Variants in ASPHD2 observed in about 807,000 individuals in gnomAD.
ASPHD2 encodes aspartate beta-hydroxylase domain containing 2, also known as aspartate beta-hydroxylase domain-containing protein 2.
A neutral mutation model predicts 34.6 loss-of-function variants in ASPHD2; 12 were observed. The observed-to-expected ratio is 0.35, with a 90% confidence interval of 0.22 to 0.56. The LOEUF is 0.56. ASPHD2 is among the 20% of genes least tolerant of loss of function. The pLI is 0.87. For missense variants in ASPHD2, 375 were observed against 505.0 expected (o/e 0.74, Z 2.47); for synonymous variants, 224 against 212.2 (o/e 1.06, Z -0.48).
Position 26,429,431 on chromosome 22 carries a change from C to G in ASPHD2, c.-280C>G, listed in dbSNP as rs2146124542. 1 of 148,416 alleles carries G rather than the reference C, an allele frequency of 6.7e-6. No individual in the cohort carries two copies. Among genetic ancestry groups the G allele is most frequent in the East Asian group, 2.0e-4 (1 of 5,114 alleles). 9.2% of individuals were successfully genotyped at this position (148,416 alleles called of 1,614,324 possible). On this transcript the variant is annotated 5_prime_UTR_variant, in exon 1 of 4. Coordinates refer to ENST00000215906, the MANE Select transcript of ASPHD2 (RefSeq NM_020437.5). The surrounding 1 kb of genome is among the most constrained non-coding windows in gnomAD (Gnocchi z 4.5). The stretch of plus-strand genomic sequence containing the variant: ...GGCAGGGGCCGTCCGCGGGTCCGCG[C>G]CCTCGGGCGGCGGCGTCTCCTGGGT...
intron 2 of ASPHD2, among the ~76,000 whole-genome samples, chr22:26,437,376 AG>A (rs1449446863): frequency 1.3e-5 from 2 of 152,206 alleles, no homozygotes; most frequent in Non-Finnish European, 2.9e-5. Context: ...TCACTAACAC[AG>A]CCCATTTGTT....
At chr22:26,442,995 C>T in intron 3 of ASPHD2, 102 bp from the exon 4 acceptor site, 1 of 822,696 alleles carries the variant, frequency 1.2e-6, no homozygotes. Context: ...GGATGGGGTC[C>T]CTGCCCCGAA....
chr22:26,439,217 G>A (rs147193002), intron 2 of ASPHD2, among the ~76,000 whole-genome samples: 13 of 152,218 alleles, frequency 8.5e-5, no homozygotes, highest in African/African-American at 2.6e-4. Context: ...TGGCCAACAT[G>A]GTGAAGCCCC....
chr22:26,434,628 C>G (rs2084779821), intron 2 of ASPHD2, 127 bp downstream of exon 2: 3 of 1,036,204 alleles, frequency 2.9e-6, no homozygotes, highest in South Asian at 3.5e-5. Context: ...TTAGCAAAAA[C>G]TGATGAATTG....
intron 2 of ASPHD2, among the ~76,000 whole-genome samples, chr22:26,437,410 G>A (rs1286215527): frequency 6.6e-6 from 1 of 152,146 alleles, no homozygotes; most frequent in Admixed American, 6.5e-5. Context: ...GCTGAGCCCT[G>A]CTGTGAGCTA....
rs2084806624 is a variant in ASPHD2 at position 26,438,448 on chromosome 22, T to C, written c.886+3947T>C. On this transcript the variant is annotated intron_variant, in intron 2 of 3. Transcript: ENST00000215906. ...ACAGATATATACACACATACATATA[T>C]ATACATATATATACACACACACATA... is the stretch of plus-strand genomic sequence containing the variant. Among the ~76,000 whole-genome samples, 4 of 132,448 alleles carry C rather than the reference T, an allele frequency of 3.0e-5. No individual in the cohort carries two copies. In the South Asian group the frequency reaches 8.5e-4, roughly 28 times the overall value. 86.9% of individuals were successfully genotyped at this position (132,448 alleles called of 152,430 possible).
rs746631415 is a variant in ASPHD2, at chr22:26,433,601, C to T, written c.-15C>T. On this transcript the variant is annotated 5_prime_UTR_variant, in exon 2 of 4. Transcript: ENST00000215906. This position sits in a 1 kb window ranked among gnomAD's most constrained non-coding sequence, Gnocchi z 5.1. ...CCCCTGCCCCAGCCGCTCCTTCCCC[C>T]CCACGCTAATCTGCATGGTGTGGGC... The T allele has an allele frequency of 3.1e-6, 5 of 1,603,284 alleles. No homozygotes were observed. Among genetic ancestry groups the T allele is most frequent in the South Asian group, 2.2e-5 (2 of 89,970 alleles).
At chr22:26,430,984 G>A (rs1389949031) in intron 1 of ASPHD2, among the ~76,000 whole-genome samples, 9 of 152,160 alleles carry the variant, frequency 5.9e-5, no homozygotes, top group Non-Finnish European at 1.2e-4. Context: ...TTCTGTGTCT[G>A]CATTTTGCTT....
chr22:26,429,831 G>A lies in ASPHD2; in HGVS notation c.-225+345G>A, dbSNP rs1286959593. 6.6e-6 allele frequency among the ~76,000 whole-genome samples: 1 copy of A among 151,196 alleles called. No individual in the cohort carries two copies. Among genetic ancestry groups the A allele is most frequent in the Non-Finnish European group, 1.5e-5 (1 of 67,820 alleles). ...TCCTCACCTCCTGTCCCCTCCCCCA[G>A]CCCTCAGCATCACCCACTTCCCATA... On this transcript the variant is annotated intron_variant, in intron 1 of 3. Transcript: ENST00000215906. The surrounding 1 kb of genome is among the most constrained non-coding windows in gnomAD (Gnocchi z 4.5).
chr22:26,435,142 G>A (rs1487091559), intron 2 of ASPHD2, among the ~76,000 whole-genome samples: 2 of 152,200 alleles, frequency 1.3e-5, no homozygotes, highest in African/African-American at 4.8e-5. Flanking sequence ...CCCACCACGA[G>A]CTGTGCTACT....
chr22:26,437,995 T>C (rs140408296), intron 2 of ASPHD2, among the ~76,000 whole-genome samples: 1,893 of 152,004 alleles, frequency 0.012, 135 homozygotes, highest in Admixed American at 0.11. Context: ...CAGGCAGGAA[T>C]GGGGGCAGGA....
rs2084747023 is a variant in ASPHD2 at position 26,429,999 on chromosome 22, G to A, written c.-225+513G>A. 6.6e-6 allele frequency among the ~76,000 whole-genome samples: 1 copy of A among 152,026 alleles called. No homozygotes were observed. Among genetic ancestry groups the A allele is most frequent in the African/African-American group, 2.4e-5 (1 of 41,378 alleles). ...ATCCCCCTCCTCCCCTGACCTCCTGGTGGTCACCATCTGTGCTAACCCATC... is the reference window on the plus strand; with the variant it reads ...ATCCCCCTCCTCCCCTGACCTCCTGATGGTCACCATCTGTGCTAACCCATC... On this transcript the variant is annotated intron_variant, in intron 1 of 3. Coordinates refer to ENST00000215906, the MANE Select transcript of ASPHD2 (RefSeq NM_020437.5). The surrounding 1 kb of genome is among the most constrained non-coding windows in gnomAD (Gnocchi z 4.5).
chr22:26,435,274 C>T lies in ASPHD2; in HGVS notation c.886+773C>T, dbSNP rs151315174. Among the ~76,000 whole-genome samples the T allele has an allele frequency of 2.8e-4, 42 of 152,288 alleles. 1 individual carries two copies. The East Asian group carries it at 8.1e-3, about 29-fold the overall frequency. On this transcript the variant is annotated intron_variant, in intron 2 of 3. Transcript: ENST00000215906. The stretch of plus-strand genomic sequence containing the variant: ...TCAGATAATGTGTATTGTATGTATG[C>T]ACACAGAGCCTAAAATAGAGCAAGT...
At position 26,429,495 on chromosome 22, in the gene ASPHD2, C is replaced by T. The variant is rs2084743340; in HGVS notation, c.-225+9C>T. The T allele has an allele frequency of 1.3e-5, 2 of 150,482 alleles. No homozygotes were observed. The highest frequency in any genetic ancestry group is 4.9e-5 in the African/African-American group (2 of 41,184). The allele number at this position is 150,482 out of a possible 1,614,324, so 9.3% of individuals were successfully genotyped here. A position where few individuals can be genotyped will look rare whatever the true frequency, so the allele number is the denominator to read the frequency against. The stretch of plus-strand genomic sequence containing the variant: ...CGCGCGCCCGGGCGCAGGTAAGCTT[C>T]GTCTCCGGGGGCTGCCGGGGCGGGA... On this transcript the variant is annotated intron_variant, in intron 1 of 3. Coordinates refer to ENST00000215906, the MANE Select transcript of ASPHD2 (RefSeq NM_020437.5). This position sits in a 1 kb window ranked among gnomAD's most constrained non-coding sequence, Gnocchi z 4.5.
In ASPHD2 at chr22:26,443,315, C is replaced by A; in HGVS notation, c.*109C>A. 1 of 849,154 alleles carries A rather than the reference C, an allele frequency of 1.2e-6. No homozygotes were observed. Among genetic ancestry groups the A allele is most frequent in the South Asian group, 1.5e-5 (1 of 64,558 alleles). The allele number at this position is 849,154 out of a possible 1,614,324, so 52.6% of individuals were successfully genotyped here. A position where few individuals can be genotyped will look rare whatever the true frequency, so the allele number is the denominator to read the frequency against. On this transcript the variant is annotated 3_prime_UTR_variant, in exon 4 of 4. Coordinates refer to ENST00000215906, the MANE Select transcript of ASPHD2 (RefSeq NM_020437.5). ...TGTTTCCATGCTCAGAAACCTGCCTCAGCGGAAAGCTCTTATTTGGGATTT... is the reference window on the plus strand; with the variant it reads ...TGTTTCCATGCTCAGAAACCTGCCTAAGCGGAAAGCTCTTATTTGGGATTT...
At position 26,434,457 on chromosome 22, in the gene ASPHD2, C is replaced by A; in HGVS notation, c.842C>A (p.Thr281Lys). ...GTGCTGAGCCCTGGGACTGTGATAACGGAGCACTATGGACCCACCAACATC... is the reference window on the plus strand; with the variant it reads ...GTGCTGAGCCCTGGGACTGTGATAAAGGAGCACTATGGACCCACCAACATC... ...ISVLSPGTVI[T>K]EHYGPTNIRI... The change falls in exon 2 of 4, where the codon ACG becomes AAG. Residue 281 changes from threonine to lysine, a missense_variant. Thr to Lys is a moderately conservative substitution (Grantham distance 78, BLOSUM62 -1). Transcript: ENST00000215906. 2 of 1,612,030 alleles carry A rather than the reference C, an allele frequency of 1.2e-6. No homozygotes were observed. Among genetic ancestry groups the A allele is most frequent in the Non-Finnish European group, 8.5e-7 (1 of 1,178,420 alleles).
In ASPHD2 at chr22:26,433,796, G is replaced by A. The variant is rs770761336; in HGVS notation, c.181G>A (p.Val61Ile). Residue 61 changes from valine to isoleucine, a missense_variant, in exon 2 of 4, where the codon GTC becomes ATC. Coordinates refer to ENST00000215906, the MANE Select transcript of ASPHD2 (RefSeq NM_020437.5). The surrounding 1 kb of genome is among the most constrained non-coding windows in gnomAD (Gnocchi z 5.1). ...CGTGCGGGACTGCGACACCACCGCT[G>A]TCATCACTGTGGCCTGCCTCCTGGT... is the stretch of plus-strand genomic sequence containing the variant. Reference protein sequence around the residue: ...QSVRDCDTTAVITVACLLVLF... With the variant: ...QSVRDCDTTAIITVACLLVLF... 6.2e-7 allele frequency: 1 copy of A among 1,613,960 alleles called. No individual in the cohort carries two copies. The highest frequency in any genetic ancestry group is 8.5e-7 in the Non-Finnish European group (1 of 1,180,010).
intron 2 of ASPHD2, among the ~76,000 whole-genome samples, chr22:26,435,059 A>G (rs1243163695): frequency 6.6e-6 from 1 of 152,186 alleles, no homozygotes; most frequent in Non-Finnish European, 1.5e-5. Context: ...AATTGGTCGT[A>G]TGCGTACTGT....
chr22:26,436,532 T>A (rs1328172682), intron 2 of ASPHD2, among the ~76,000 whole-genome samples: 1 of 152,034 alleles, frequency 6.6e-6, no homozygotes, highest in African/African-American at 2.4e-5. Flanking sequence ...GGAAGCCGGG[T>A]CTAGGCTTGC....
Sources: allele counts gnomAD v4.1 joint callset (sites outside exome capture counted in the v4.1 genomes callset), GRCh38; gene constraint gnomAD v4.1.1; non-coding constraint Gnocchi (gnomAD v3.1); transcripts MANE v1.5; gene names NCBI Gene and HGNC (gene_info 2026-07-23, HGNC 2026-07-21).